Variants in TXNRD3 observed in about 807,000 individuals in gnomAD.
The protein encoded by TXNRD3 is thioredoxin reductase 3.
TXNRD3 carries 68 observed loss-of-function variants against 78.2 expected under a neutral mutation model. The ratio of observed to expected loss-of-function variants is 0.87; its 90% confidence interval spans 0.72 to 1.06. The LOEUF is 1.06. Among genes scored for constraint, TXNRD3 ranks in the 50% least tolerant of loss-of-function variants. The pLI is 0.00. For synonymous variants in TXNRD3, 296 were observed against 300.1 expected (o/e 0.99, Z 0.14); for missense variants, 751 against 809.5 (o/e 0.93, Z 0.88).
rs1162238325 is a variant in TXNRD3 at position 126,631,781 on chromosome 3, T to G, written c.954A>C (p.Lys318Asn). Residue 318 changes from lysine (K) to asparagine (N), a missense_variant, in exon 8 of 16, where the codon AAA becomes AAC. Lys to Asn is a moderately conservative substitution (Grantham distance 94). Coordinates refer to ENST00000524230, the MANE Select transcript of TXNRD3 (RefSeq NM_052883.3). ...AACCTTACCTAGTAATACAGTATTC[T>G]TTATCTCCTTGGATTCCTAAATACC... 3 of 1,533,884 alleles carry G rather than the reference T, an allele frequency of 2.0e-6. No homozygotes were observed. Among genetic ancestry groups the G allele is most frequent in the Admixed American group, 2.0e-5 (1 of 51,002 alleles).
At chr3:126,620,523 G>T (rs541483968) in intron 12 of TXNRD3, among the ~76,000 whole-genome samples, 10 of 152,028 alleles carry the variant, frequency 6.6e-5, no homozygotes, top group Non-Finnish European at 1.5e-4. Context: ...AAACAAAAAA[G>T]GAATATGAAC....
intron 14 of TXNRD3, among the ~76,000 whole-genome samples, chr3:126,610,055 C>T (rs1185342115): frequency 3.3e-5 from 5 of 152,138 alleles, no homozygotes; most frequent in African/African-American, 7.2e-5. Flanking sequence ...CCATTATGAC[C>T]GCCATCCCTG....
chr3:126,621,708 C>T, intron 12 of TXNRD3, 34 bp downstream of exon 12: 1 of 1,438,698 alleles, frequency 7.0e-7, no homozygotes, highest in Non-Finnish European at 9.1e-7. Flanking sequence ...TGATCTTGAT[C>T]AGGACATTAT....
At chr3:126,624,137 T>A (rs924563970) in intron 10 of TXNRD3, among the ~76,000 whole-genome samples, 2 of 152,178 alleles carry the variant, frequency 1.3e-5, no homozygotes, top group African/African-American at 4.8e-5. Context: ...GAGGTTCATA[T>A]GTTGGAAAAA....
At chr3:126,617,957 A>C (rs981071129) in intron 12 of TXNRD3, among the ~76,000 whole-genome samples, 10 of 152,370 alleles carry the variant, frequency 6.6e-5, no homozygotes, top group South Asian at 2.1e-4. Flanking sequence ...AAATCAATAA[A>C]GCAATTCCAT....
In TXNRD3 at chr3:126,646,092, C is replaced by G; in HGVS notation, c.414+19G>C. The G allele has an allele frequency of 6.7e-7, 1 of 1,493,534 alleles. No individual in the cohort carries two copies. Among genetic ancestry groups the G allele is most frequent in the African/African-American group, 1.4e-5 (1 of 71,056 alleles). 92.5% of individuals were successfully genotyped at this position (1,493,534 alleles called of 1,614,324 possible). On this transcript the variant is annotated intron_variant, in intron 3 of 15. Transcript: ENST00000524230. ...AATATGAACAAACAGCATTGAAGAA[C>G]ATATAATAGTATTATTACCTGGAAA...
intron 10 of TXNRD3, 67 bp downstream of exon 10, chr3:126,629,312 A>G (rs1938655135): frequency 2.7e-6 from 3 of 1,128,826 alleles, no homozygotes; most frequent in Non-Finnish European, 3.7e-6. Context: ...TAATTTTCCC[A>G]TAAGTTTCAT....
At chr3:126,645,402 A>G (rs1170057544) in intron 3 of TXNRD3, among the ~76,000 whole-genome samples, 2 of 152,222 alleles carry the variant, frequency 1.3e-5, no homozygotes, top group African/African-American at 2.4e-5. Context: ...CACTATGTGA[A>G]CTAGGTTATA....
intron 6 of TXNRD3, among the ~76,000 whole-genome samples, chr3:126,639,863 G>A (rs574352433): frequency 6.6e-5 from 10 of 152,184 alleles, no homozygotes; most frequent in African/African-American, 2.4e-4. Context: ...CAAAGTGCTG[G>A]GATTATAGGT....
At chr3:126,631,721 C>T in intron 8 of TXNRD3, 43 bp downstream of exon 8, 1 of 1,204,354 alleles carries the variant, frequency 8.3e-7, no homozygotes, top group Non-Finnish European at 1.2e-6. Context: ...CAATATAATT[C>T]AATTTATTAA....
chr3:126,608,537 G>A lies in TXNRD3; in HGVS notation c.1825C>T (p.Leu609Phe). The change falls in exon 15 of 16, where the codon CTT (leucine) becomes TTT (phenylalanine). Residue 609 changes from leucine to phenylalanine, a missense_variant. By Grantham distance (22) the Leu-to-Phe change is conservative (BLOSUM62 0). Transcript: ENST00000524230. ...GGGTGAATTCCAATGGTGTCATCAA[G>A]TAGCTGTTTTGTGAGCCCACATTTC... The A allele has an allele frequency of 6.5e-7, 1 of 1,535,920 alleles. No homozygotes were observed. Among genetic ancestry groups the A allele is most frequent in the Non-Finnish European group, 8.7e-7 (1 of 1,146,854 alleles).
chr3:126,635,504 T>C (rs1938835631), intron 6 of TXNRD3, among the ~76,000 whole-genome samples: 1 of 152,200 alleles, frequency 6.6e-6, no homozygotes, highest in African/African-American at 2.4e-5. Flanking sequence ...TATTTTTAAA[T>C]ACTGAGAAAG....
rs1933480983 is a variant in TXNRD3 at position 126,654,963 on chromosome 3, C to T, written c.28G>A (p.Gly10Arg). Residue 10 changes from glycine to arginine, a missense_variant, in exon 1 of 16, where the codon GGG (glycine) becomes AGG (arginine). Coordinates refer to ENST00000524230, the MANE Select transcript of TXNRD3 (RefSeq NM_052883.3). ...GGGGCATCGCCCGCCTTTCCCGGCC[C>T]GGGCGACTGCGGCGGCGACCGCTCC... is the stretch of plus-strand genomic sequence containing the variant. 7.7e-7 allele frequency: 1 copy of T among 1,298,740 alleles called. No homozygotes were observed. The highest frequency in any genetic ancestry group is 9.7e-7 in the Non-Finnish European group (1 of 1,028,238). The allele number at this position is 1,298,740 out of a possible 1,614,324, so 80.5% of individuals were successfully genotyped here. A position where few individuals can be genotyped will look rare whatever the true frequency, so the allele number is the denominator to read the frequency against.
Position 126,655,035 on chromosome 3 carries a change from G to A in TXNRD3, c.-45C>T. Reference sequence around the variant, plus strand: ...GCCCGGCCGGGCCTGCTCACAAACCGAAACGCAGGCGGCTGCGGCGCCGGG... The same window carrying A: ...GCCCGGCCGGGCCTGCTCACAAACCAAAACGCAGGCGGCTGCGGCGCCGGG... On this transcript the variant is annotated 5_prime_UTR_variant, in exon 1 of 16. Transcript: ENST00000524230. 1.5e-6 allele frequency: 2 copies of A among 1,290,480 alleles called. No homozygotes were observed. Among genetic ancestry groups the A allele is most frequent in the South Asian group, 2.3e-5 (1 of 43,542 alleles). The allele number at this position is 1,290,480 out of a possible 1,614,324, so 79.9% of individuals were successfully genotyped here.
chr3:126,615,917 A>T (rs10934787), intron 12 of TXNRD3, among the ~76,000 whole-genome samples: 1 of 151,936 alleles, frequency 6.6e-6, no homozygotes, highest in Non-Finnish European at 1.5e-5. Flanking sequence ...CTGAGAGGTG[A>T]GGCAAATATG....
At position 126,655,092 on chromosome 3, in the gene TXNRD3, C is replaced by A. The variant is rs919082744; in HGVS notation, c.-102G>T. 1.9e-4 allele frequency: 241 copies of A among 1,302,354 alleles called. No individual in the cohort carries two copies. Among genetic ancestry groups the A allele is most frequent in the Non-Finnish European group, 2.3e-4 (238 of 1,025,024 alleles). 80.7% of individuals were successfully genotyped at this position (1,302,354 alleles called of 1,614,324 possible). A position where few individuals can be genotyped will look rare whatever the true frequency, so the allele number is the denominator to read the frequency against. On this transcript the variant is annotated 5_prime_UTR_variant, in exon 1 of 16. Coordinates refer to ENST00000524230, the MANE Select transcript of TXNRD3 (RefSeq NM_052883.3). ...CCTGAGGGGCGGCGAACGCTGCCCT[C>A]GCTGGCCACTCTCACCACCCGCGCG...
At chr3:126,615,693 C>T (rs999022863) in intron 12 of TXNRD3, among the ~76,000 whole-genome samples, 11 of 152,164 alleles carry the variant, frequency 7.2e-5, no homozygotes, top group Admixed American at 4.6e-4. Flanking sequence ...GGGACCGGCT[C>T]TCCTGGAGCA....
At position 126,631,846 on chromosome 3, in the gene TXNRD3, TATA is replaced by T; in HGVS notation, c.886_888del (p.Tyr296del). The T allele has an allele frequency of 1.3e-6, 2 of 1,536,006 alleles. No homozygotes were observed. Among genetic ancestry groups the T allele is most frequent in the Non-Finnish European group, 1.7e-6 (2 of 1,146,770 alleles). On this transcript the variant is annotated inframe_deletion, in exon 8 of 16. Coordinates refer to ENST00000524230, the MANE Select transcript of TXNRD3 (RefSeq NM_052883.3). ...GTTGCTATGACAAACTGTGCAGCAGTATAATAAGTCTCCTGTCCTTTTTTATTG... is the reference window on the plus strand; with the variant it reads ...GTTGCTATGACAAACTGTGCAGCAGTATAAGTCTCCTGTCCTTTTTTATTG...
chr3:126,609,371 C>T, intron 14 of TXNRD3: 1 of 171,802 alleles, frequency 5.8e-6, no homozygotes, highest in East Asian at 1.7e-4. Flanking sequence ...CACACGCATC[C>T]ACATCTGCTG....
Sources: allele counts gnomAD v4.1 joint callset (sites outside exome capture counted in the v4.1 genomes callset), GRCh38; gene constraint gnomAD v4.1.1; transcripts MANE v1.5; gene names NCBI Gene and HGNC (gene_info 2026-07-23, HGNC 2026-07-21).